CADM2: variants seen among roughly 807,000 people sequenced by gnomAD.
CADM2 encodes cell adhesion molecule 2, also known as immunoglobulin superfamily member 4D.
A neutral mutation model predicts 49.8 loss-of-function variants in CADM2; 12 were observed. The ratio of observed to expected loss-of-function variants is 0.24; its 90% CI spans 0.15 to 0.39. The LOEUF (loss-of-function observed/expected upper bound fraction) is 0.39. CADM2 is among the 10% of genes least tolerant of loss of function. The pLI is 1.00. For synonymous variants in CADM2, 214 were observed against 175.4 expected, an observed-to-expected ratio of 1.22 and a Z score of -1.74; for missense variants, 378 against 492.3, an observed-to-expected ratio of 0.77 and a Z score of 2.20.
chr3:85,424,061 C>T (rs2036289774), intron 1 of CADM2, among the ~76,000 whole-genome samples: 1 of 152,048 alleles, frequency 6.6e-6, no homozygotes, highest in African/African-American at 2.4e-5. Context: ...ATGAACTTAT[C>T]ATTATTATTA....
At chr3:85,878,709 T>G (rs1712287112) in intron 3 of CADM2, among the ~76,000 whole-genome samples, 2 of 152,134 alleles carry the variant, frequency 1.3e-5, no homozygotes. Flanking sequence ...CCTTGTTCCA[T>G]GAAAATGGTT....
intron 2 of CADM2, among the ~76,000 whole-genome samples, chr3:85,739,507 C>G (rs1189394342): frequency 6.6e-6 from 1 of 151,784 alleles, no homozygotes; most frequent in Non-Finnish European, 1.5e-5. Context: ...AGAATTAACC[C>G]TGCATAATTA....
chr3:85,410,283 T>G (rs910231293), intron 1 of CADM2, among the ~76,000 whole-genome samples: 3 of 152,224 alleles, frequency 2.0e-5, no homozygotes, highest in Non-Finnish European at 4.4e-5. Context: ...TTTTAGAGAA[T>G]GTTTATGCCA....
chr3:85,866,672 T>C (rs1054232354), intron 3 of CADM2, among the ~76,000 whole-genome samples: 1 of 151,846 alleles, frequency 6.6e-6, no homozygotes, highest in African/African-American at 2.4e-5. Context: ...AATTAATAAT[T>C]TATGTATTTG....
At chr3:85,777,938 G>A (rs963190413) in intron 2 of CADM2, among the ~76,000 whole-genome samples, 5 of 152,052 alleles carry the variant, frequency 3.3e-5, no homozygotes, top group African/African-American at 1.2e-4. Context: ...AATATGCATA[G>A]GTATACAAAA....
intron 3 of CADM2, among the ~76,000 whole-genome samples, chr3:85,814,742 G>T (rs954320298): frequency 6.6e-6 from 1 of 151,468 alleles, no homozygotes; most frequent in Non-Finnish European, 1.5e-5. Flanking sequence ...CTATAGAAAT[G>T]GTAGTTCTAT....
chr3:85,288,803 T>C (rs1022579383), intron 1 of CADM2, among the ~76,000 whole-genome samples: 1 of 130,194 alleles, frequency 7.7e-6, no homozygotes, highest in Non-Finnish European at 1.7e-5. Context: ...CCCTCTTTTT[T>C]TCCATCATGG....
intron 1 of CADM2, among the ~76,000 whole-genome samples, chr3:84,987,518 ATATGAATGTCT>A (rs1364934678): frequency 6.6e-6 from 1 of 152,112 alleles, no homozygotes; most frequent in Non-Finnish European, 1.5e-5. Context: ...CCTGTTAGTA[ATATGAATGTCT>A]TGCCCACCAG....
At chr3:86,023,603 C>A (rs1253721613) in intron 8 of CADM2, among the ~76,000 whole-genome samples, 1 of 152,046 alleles carries the variant, frequency 6.6e-6, no homozygotes, top group African/African-American at 2.4e-5. Flanking sequence ...GGTGATCTGC[C>A]CGCCTCGGCC....
At chr3:85,666,664 T>C (rs193301983) in intron 1 of CADM2, among the ~76,000 whole-genome samples, 4 of 151,538 alleles carry the variant, frequency 2.6e-5, no homozygotes, top group African/African-American at 4.8e-5. Context: ...TAGAGAGGCC[T>C]GTTTGTTCAG....
chr3:85,852,401 T>C (rs758577200), intron 3 of CADM2, among the ~76,000 whole-genome samples: 15 of 152,114 alleles, frequency 9.9e-5, no homozygotes, highest in Non-Finnish European at 1.8e-4. Flanking sequence ...CTTGTCTTAA[T>C]CTTCTTTCAG....
intron 1 of CADM2, among the ~76,000 whole-genome samples, chr3:85,201,884 C>T (rs1046506977): frequency 3.3e-5 from 5 of 151,802 alleles, no homozygotes; most frequent in Non-Finnish European, 7.4e-5. Context: ...AGATCAAGAC[C>T]ATCCTGGCCA....
chr3:85,284,997 A>G (rs566213292), intron 1 of CADM2, among the ~76,000 whole-genome samples: 1 of 152,256 alleles, frequency 6.6e-6, no homozygotes, highest in East Asian at 1.9e-4. Flanking sequence ...GCCTTGGACC[A>G]GGAGATAGCA....
At chr3:85,773,050 A>G (rs750654353) in intron 2 of CADM2, among the ~76,000 whole-genome samples, 38 of 152,058 alleles carry the variant, frequency 2.5e-4, no homozygotes, top group Non-Finnish European at 4.6e-4. Flanking sequence ...CAGCTGAGAT[A>G]CACATATTTT....
chr3:85,048,551 A>C (rs1257717654), intron 1 of CADM2, among the ~76,000 whole-genome samples: 1 of 152,206 alleles, frequency 6.6e-6, no homozygotes, highest in African/African-American at 2.4e-5. Flanking sequence ...GATTGTTGCA[A>C]TAATCAAGCC....
chr3:85,728,883 T>A (rs936209994), intron 2 of CADM2, among the ~76,000 whole-genome samples: 1 of 152,192 alleles, frequency 6.6e-6, no homozygotes, highest in African/African-American at 2.4e-5. Flanking sequence ...ACAGAGTTCA[T>A]TGAGAATCAG....
intron 1 of CADM2, among the ~76,000 whole-genome samples, chr3:85,495,133 T>C (rs1551044): frequency 0.6 from 90,484 of 151,906 alleles, 28,396 homozygotes; most frequent in East Asian, 0.93. Context: ...ACACTATAGT[T>C]TTTAATTATA....
chr3:85,852,606 T>G (rs780037894), intron 3 of CADM2, among the ~76,000 whole-genome samples: 5 of 152,104 alleles, frequency 3.3e-5, no homozygotes, highest in African/African-American at 4.8e-5. Context: ...TATACAAGGA[T>G]GGAGACAAGA....
At chr3:84,991,111 G>A (rs2032859476) in intron 1 of CADM2, among the ~76,000 whole-genome samples, 1 of 152,124 alleles carries the variant, frequency 6.6e-6, no homozygotes, top group African/African-American at 2.4e-5. Flanking sequence ...TTATTTCTAA[G>A]CTCTTTTGTA....
Sources: gnomAD v4.1 joint callset for allele counts (sites outside exome capture counted in the v4.1 genomes callset) on GRCh38, gnomAD v4.1.1 for gene constraint, MANE v1.5 for transcripts, NCBI Gene and HGNC (gene_info 2026-07-23, HGNC 2026-07-21) for gene names.